The following GNG2 variants were observed in gnomAD, a reference collection of about 807,000 sequenced individuals.
The protein encoded by GNG2 is guanine nucleotide-binding protein G(I)/G(S)/G(O) subunit gamma-2.
In GNG2, 5 loss-of-function variants were observed where a neutral mutation model predicts 5.5. The ratio of observed to expected loss-of-function variants is 0.91; its 90% CI spans 0.48 to 1.92. The LOEUF is 1.92. GNG2 is among the 30% of genes most tolerant of loss of function. The pLI, the probability that GNG2 is intolerant of heterozygous loss-of-function variation, is 0.01. For missense variants in GNG2, 55 were observed against 88.4 expected, an observed-to-expected ratio of 0.62 and a Z score of 1.52; for synonymous variants, 28 against 32.0, an observed-to-expected ratio of 0.88 and a Z score of 0.42.
At chr14:51,931,475 T>C (rs897345128) in intron 2 of GNG2, among the ~76,000 whole-genome samples, 1 of 152,112 alleles carries the variant, frequency 6.6e-6, no homozygotes, top group African/African-American at 2.4e-5. Context: ...AGAGCCAGGA[T>C]GTGTAACTAA....
intron 2 of GNG2, among the ~76,000 whole-genome samples, chr14:51,853,899 T>C (rs1228320806): frequency 7.0e-6 from 1 of 142,954 alleles, no homozygotes; most frequent in Non-Finnish European, 1.5e-5. Context: ...TTTTTTTTTC[T>C]TTTTTTTTTG....
At chr14:51,855,518 C>A (rs949086144), upstream of GNG2, among the ~76,000 whole-genome samples, 7 of 152,306 alleles carry the variant, frequency 4.6e-5, no homozygotes, top group Admixed American at 4.6e-4. Context: ...TTTAAAGAGG[C>A]TTCTATTCCC....
intron 2 of GNG2, among the ~76,000 whole-genome samples, chr14:51,935,093 C>T (rs906116495): frequency 2.0e-5 from 3 of 146,736 alleles, no homozygotes; most frequent in Non-Finnish European, 3.0e-5. Flanking sequence ...GGCGCAATCT[C>T]GGCTCACTGT....
At chr14:51,852,226 T>C (rs1055735339) in intron 2 of GNG2, among the ~76,000 whole-genome samples, 2 of 152,238 alleles carry the variant, frequency 1.3e-5, no homozygotes, top group African/African-American at 2.4e-5. Context: ...TACTAACAGA[T>C]ACTATAGGAC....
intron 1 of GNG2, among the ~76,000 whole-genome samples, chr14:51,874,239 A>G (rs1455271412): frequency 4.6e-5 from 7 of 151,976 alleles, no homozygotes; most frequent in African/African-American, 7.2e-5. Flanking sequence ...CATCCTGGCT[A>G]ACGGTGAAAC....
intron 2 of GNG2, among the ~76,000 whole-genome samples, chr14:51,898,596 C>T (rs947238271): frequency 5.9e-5 from 9 of 152,208 alleles, no homozygotes; most frequent in African/African-American, 2.2e-4. Context: ...CAAACAGCCA[C>T]AAAGGACCAG....
intron 2 of GNG2, among the ~76,000 whole-genome samples, chr14:51,831,698 C>T (rs558335492): frequency 6.6e-6 from 1 of 152,310 alleles, no homozygotes; most frequent in South Asian, 2.1e-4. Flanking sequence ...CAAAACAAAA[C>T]ACACTTGATA....
intron 2 of GNG2, among the ~76,000 whole-genome samples, chr14:51,937,984 T>C (rs1421303851): frequency 1.3e-5 from 2 of 152,214 alleles, no homozygotes; most frequent in African/African-American, 2.4e-5. Flanking sequence ...GAAAAGTGTC[T>C]TCCAGAATTA....
At chr14:51,862,648 CAT>C (rs1301996469) in intron 1 of GNG2, among the ~76,000 whole-genome samples, 1 of 152,222 alleles carries the variant, frequency 6.6e-6, no homozygotes, top group African/African-American at 2.4e-5. Context: ...GTGTTTCACA[CAT>C]GAGTAAGAAA....
At chr14:51,882,107 A>G (rs966408265) in intron 2 of GNG2, among the ~76,000 whole-genome samples, 9 of 152,210 alleles carry the variant, frequency 5.9e-5, no homozygotes, top group Non-Finnish European at 1.0e-4. Context: ...TAGAGAGTAA[A>G]TGTAAATAAG....
intron 2 of GNG2, among the ~76,000 whole-genome samples, chr14:51,931,944 T>C (rs573748945): frequency 1.1e-3 from 160 of 151,900 alleles, no homozygotes; most frequent in African/African-American, 3.7e-3. Flanking sequence ...TGTCCATCAG[T>C]GGATGAATAA....
At chr14:51,946,946 G>GA (rs1015942704) in intron 2 of GNG2, among the ~76,000 whole-genome samples, 2 of 152,102 alleles carry the variant, frequency 1.3e-5, no homozygotes, top group African/African-American at 4.8e-5. Context: ...AAAAAAAAGG[G>GA]AAAAATGCAC....
intron 2 of GNG2, among the ~76,000 whole-genome samples, chr14:51,885,074 T>A (rs1157768758): frequency 6.6e-6 from 1 of 152,114 alleles, no homozygotes; most frequent in African/African-American, 2.4e-5. Flanking sequence ...GAGAGCCCAG[T>A]CATAATTGGA....
intron 2 of GNG2, among the ~76,000 whole-genome samples, chr14:51,843,260 T>C (rs1459469455): frequency 6.6e-6 from 1 of 152,170 alleles, no homozygotes; most frequent in African/African-American, 2.4e-5. Flanking sequence ...TTGGTTGTCT[T>C]ACTCTTGGAA....
intron 2 of GNG2, among the ~76,000 whole-genome samples, chr14:51,886,489 G>A (rs148013210): frequency 1.3e-5 from 2 of 152,190 alleles, no homozygotes; most frequent in Admixed American, 6.5e-5. Context: ...GAAAATGCCA[G>A]CTGTATTGGA....
intron 1 of GNG2, among the ~76,000 whole-genome samples, chr14:51,870,038 G>C (rs1883194766): frequency 6.6e-6 from 1 of 152,156 alleles, no homozygotes; most frequent in Non-Finnish European, 1.5e-5. Flanking sequence ...TTAGTGGGTA[G>C]GCAGTCAATA....
rs1455559964 is a variant in GNG2, at chr14:51,853,156, G to A, written c.64+25349G>A. 4.6e-5 allele frequency among the ~76,000 whole-genome samples: 7 copies of A among 152,218 alleles called. No homozygotes were observed. The East Asian group carries it at 5.8e-4, about 13-fold the overall frequency. Reference sequence around the variant, plus strand: ...TGGTATTTTCAAAATGGTCAGTAGTGGTCATAACTTTCTTCCATAGGACCT... The same window carrying A: ...TGGTATTTTCAAAATGGTCAGTAGTAGTCATAACTTTCTTCCATAGGACCT... On this transcript the variant is annotated intron_variant, in intron 2 of 3. Transcript: ENST00000553432.
intron 3 of GNG2, among the ~76,000 whole-genome samples, chr14:51,965,562 G>A (rs1411625774): frequency 6.6e-6 from 1 of 152,148 alleles, no homozygotes; most frequent in Non-Finnish European, 1.5e-5. Context: ...TGACAGCATC[G>A]CCAGAATCAG....
intron 2 of GNG2, among the ~76,000 whole-genome samples, chr14:51,892,724 T>C (rs900968853): frequency 6.6e-6 from 1 of 152,216 alleles, no homozygotes; most frequent in African/African-American, 2.4e-5. Context: ...TCCTCCCCCA[T>C]GTAACCAATG....
Sources: gnomAD v4.1 joint callset for allele counts (sites outside exome capture counted in the v4.1 genomes callset) on GRCh38, gnomAD v4.1.1 for gene constraint, MANE v1.5 for transcripts, NCBI Gene and HGNC (gene_info 2026-07-23, HGNC 2026-07-21) for gene names.